Variants in DRC9 observed in about 807,000 individuals in gnomAD.
The protein encoded by DRC9 is dynein regulatory complex subunit 9.
At chr3:197,953,387 A>G in the DRC9 span, 1 of 455,728 alleles carries the variant, frequency 2.2e-6, no homozygotes, top group South Asian at 1.5e-5. Flanking sequence ...TAAAGGAAAT[A>G]TATATAAAGT....
At chr3:197,920,418 C>T in the DRC9 span, among the ~76,000 whole-genome samples, 1 of 142,354 alleles carries the variant, frequency 7.0e-6, no homozygotes, top group Non-Finnish European at 1.5e-5. Flanking sequence ...AGAACCCCCC[C>T]ATCTCAATTA....
the DRC9 span, among the ~76,000 whole-genome samples, chr3:197,895,137 CTTGTT>C: frequency 6.6e-6 from 1 of 152,046 alleles, no homozygotes; most frequent in African/African-American, 2.4e-5. Flanking sequence ...CTTTCTTCCT[CTTGTT>C]AACACTTAAA....
the DRC9 span, among the ~76,000 whole-genome samples, chr3:197,945,431 A>G: frequency 5.9e-5 from 9 of 152,172 alleles, no homozygotes; most frequent in African/African-American, 2.2e-4. Context: ...TCAAGCCAGC[A>G]CCATCCAGCT....
At chr3:197,896,121 T>C in the DRC9 span, among the ~76,000 whole-genome samples, 1 of 149,014 alleles carries the variant, frequency 6.7e-6, no homozygotes, top group Non-Finnish European at 1.5e-5. Context: ...GGCGGGCAGA[T>C]CACCTGAGGT....
At chr3:197,933,090 TTATACA>T in the DRC9 span, among the ~76,000 whole-genome samples, 1 of 140,930 alleles carries the variant, frequency 7.1e-6, no homozygotes, top group African/African-American at 2.7e-5. Context: ...AATACATATA[TTATACA>T]TATATATATA....
chr3:197,932,126 T>A, the DRC9 span: 1 of 1,584,642 alleles, frequency 6.3e-7, no homozygotes, highest in Non-Finnish European at 8.6e-7. Flanking sequence ...AAGAGTGTTT[T>A]AGCACTTTAA....
chr3:197,917,339 A>C, the DRC9 span, among the ~76,000 whole-genome samples: 1 of 152,226 alleles, frequency 6.6e-6, no homozygotes, highest in Non-Finnish European at 1.5e-5. Flanking sequence ...AAGATGAATC[A>C]GAACGGAATT....
chr3:197,933,496 A>C, the DRC9 span, among the ~76,000 whole-genome samples: 3 of 152,116 alleles, frequency 2.0e-5, no homozygotes, highest in Non-Finnish European at 4.4e-5. Flanking sequence ...CTTTAAAAAA[A>C]TTTTTTTAAA....
the DRC9 span, chr3:197,913,964 T>C: frequency 5.6e-6 from 9 of 1,614,194 alleles, no homozygotes; most frequent in Admixed American, 1.7e-5. Context: ...TTGGTTTTCA[T>C]GTAGCGATTC....
At chr3:197,892,694 A>T in the DRC9 span, 1 of 1,614,094 alleles carries the variant, frequency 6.2e-7, no homozygotes. Flanking sequence ...CATTTAGTTC[A>T]TTCTGTTTCA....
At chr3:197,895,689 T>G in the DRC9 span, among the ~76,000 whole-genome samples, 1 of 152,130 alleles carries the variant, frequency 6.6e-6, no homozygotes, top group African/African-American at 2.4e-5. Flanking sequence ...GTAGAAAATA[T>G]TGACCGGGTG....
the DRC9 span, among the ~76,000 whole-genome samples, chr3:197,915,149 G>C: frequency 2.5e-5 from 3 of 122,330 alleles, no homozygotes; most frequent in Non-Finnish European, 4.7e-5. Context: ...GGGTGATAGA[G>C]CGAGATTCTG....
the DRC9 span, among the ~76,000 whole-genome samples, chr3:197,924,667 G>A: frequency 0.046 from 6,998 of 152,126 alleles, 276 homozygotes; most frequent in African/African-American, 0.1. Flanking sequence ...CTACAGGTGC[G>A]CACCACCACA....
the DRC9 span, among the ~76,000 whole-genome samples, chr3:197,903,985 C>CACACACATATATATAT: frequency 7.5e-5 from 11 of 146,168 alleles, no homozygotes; most frequent in South Asian, 4.3e-4. Flanking sequence ...CATACATACA[C>CACACACATATATATAT]ACACACATAT....
At chr3:197,905,875 C>T in the DRC9 span, among the ~76,000 whole-genome samples, 1 of 151,776 alleles carries the variant, frequency 6.6e-6, no homozygotes, top group Non-Finnish European at 1.5e-5. Flanking sequence ...AATATCATCT[C>T]AATTAATGAA....
At chr3:197,908,847 G>A in the DRC9 span, among the ~76,000 whole-genome samples, 1 of 149,458 alleles carries the variant, frequency 6.7e-6, no homozygotes, top group East Asian at 2.0e-4. Flanking sequence ...AGGGGTGACT[G>A]TACCAGGTCT....
the DRC9 span, among the ~76,000 whole-genome samples, chr3:197,946,462 CTG>C: frequency 7.2e-6 from 1 of 139,064 alleles, no homozygotes; most frequent in African/African-American, 2.8e-5. Context: ...AAAAGGAAAA[CTG>C]TATTAATCCT....
chr3:197,920,465 G>A, the DRC9 span, among the ~76,000 whole-genome samples: 1 of 149,608 alleles, frequency 6.7e-6, no homozygotes, highest in East Asian at 2.0e-4. Context: ...GATGGCTCAT[G>A]CCTGTAATCC....
At chr3:197,919,506 C>T in the DRC9 span, among the ~76,000 whole-genome samples, 5 of 152,188 alleles carry the variant, frequency 3.3e-5, no homozygotes, top group African/African-American at 1.2e-4. Flanking sequence ...TGGTCAGGTC[C>T]ATGGACTGAT....
Sources: gnomAD v4.1 joint callset for allele counts (sites outside exome capture counted in the v4.1 genomes callset) on GRCh38, gnomAD v4.1.1 for gene constraint, MANE v1.5 for transcripts, NCBI Gene and HGNC (gene_info 2026-07-23, HGNC 2026-07-21) for gene names.